ARL14EPL: variants seen among roughly 807,000 people sequenced by gnomAD.
ARL14EPL encodes ARF like GTPase 14 effector protein like, also known as ARL14 effector protein-like.
Under a neutral mutation model 15.9 loss-of-function variants are expected in ARL14EPL, and 17 were observed. The ratio of observed to expected loss-of-function variants is 1.07; its 90% CI spans 0.73 to 1.60. The LOEUF is 1.60. ARL14EPL is among the 40% of genes most tolerant of loss of function. The pLI is 0.00. For missense variants in ARL14EPL, 214 were observed against 185.9 expected (o/e 1.15, Z -0.88); for synonymous variants, 78 against 63.8 (o/e 1.22, Z -1.06).
chr5:116,044,610 C>G (rs1365269358), intron 1 of ARL14EPL, among the ~76,000 whole-genome samples: 1 of 151,956 alleles, frequency 6.6e-6, no homozygotes, highest in Non-Finnish European at 1.5e-5. Context: ...TTGAAGTTGA[C>G]ATATAACAAT....
intron 1 of ARL14EPL, among the ~76,000 whole-genome samples, chr5:116,033,024 C>A (rs1748987123): frequency 1.3e-5 from 2 of 152,100 alleles, no homozygotes; most frequent in South Asian, 4.1e-4. Flanking sequence ...GTCTTGAGCT[C>A]CTGGGCTCAA....
At chr5:116,056,559 A>T (rs932335568) in intron 3 of ARL14EPL, among the ~76,000 whole-genome samples, 1 of 152,092 alleles carries the variant, frequency 6.6e-6, no homozygotes, top group African/African-American at 2.4e-5. Flanking sequence ...CCTTTGTCAG[A>T]TGAGTAGATT....
chr5:116,049,591 T>A (rs1450067704), intron 1 of ARL14EPL, among the ~76,000 whole-genome samples: 1 of 152,214 alleles, frequency 6.6e-6, no homozygotes, highest in Admixed American at 6.5e-5. Flanking sequence ...ACTCATTAGC[T>A]TGGTAAAGAG....
chr5:116,047,779 G>GCAAAC (rs1353571289), intron 1 of ARL14EPL, among the ~76,000 whole-genome samples: 20,863 of 151,730 alleles, frequency 0.14, 1,516 homozygotes, highest in Middle Eastern at 0.16. Context: ...CACAGATAGG[G>GCAAAC]TGGAGGAAAA....
chr5:116,053,370 A>C (rs1206449901), intron 2 of ARL14EPL, among the ~76,000 whole-genome samples: 11 of 147,092 alleles, frequency 7.5e-5, no homozygotes, highest in Admixed American at 4.8e-4. Flanking sequence ...AAAGAAAAGA[A>C]AGGAAAAAAA....
At position 116,032,521 on chromosome 5, in the gene ARL14EPL, T is replaced by A. The variant is rs568022582; in HGVS notation, c.-10+16T>A. On this transcript the variant is annotated intron_variant, in intron 1 of 3. Transcript: ENST00000686077. ...CATAAGAAGCGTGAGTACAGTACAA[T>A]AAGATATTTTGAAAGAGAAAGATAC... The A allele has an allele frequency of 6.6e-6, 1 of 152,292 alleles. No individual in the cohort carries two copies. Among genetic ancestry groups the A allele is most frequent in the African/African-American group, 2.4e-5 (1 of 41,568 alleles). 9.4% of individuals were successfully genotyped at this position (152,292 alleles called of 1,614,324 possible).
chr5:116,034,215 A>G (rs10455009), intron 1 of ARL14EPL, among the ~76,000 whole-genome samples: 3,136 of 152,312 alleles, frequency 0.021, 55 homozygotes, highest in Non-Finnish European at 0.034. Context: ...CTTGAGATCA[A>G]CAAAGGCGGT....
intron 1 of ARL14EPL, among the ~76,000 whole-genome samples, chr5:116,041,376 G>A (rs182881610): frequency 1.3e-5 from 2 of 152,254 alleles, no homozygotes; most frequent in African/African-American, 4.8e-5. Context: ...GTTCTACAAG[G>A]AAGTTTTGGG....
At position 116,040,760 on chromosome 5, in the gene ARL14EPL, T is replaced by C. The variant is rs534772693; in HGVS notation, c.-10+8255T>C. Among the ~76,000 whole-genome samples the C allele has an allele frequency of 1.1e-4, 17 of 148,612 alleles. 1 individual carries two copies. The South Asian group carries it at 3.4e-3, about 30-fold the overall frequency. ...AGGCCAAGGTGGGCGGATCACGAGG[T>C]CATATCGAGACCATCCTGGCTAACA... On this transcript the variant is annotated intron_variant, in intron 1 of 3. Transcript: ENST00000686077.
chr5:116,056,245 G>C (rs200694935), intron 3 of ARL14EPL, among the ~76,000 whole-genome samples: 97,667 of 150,954 alleles, frequency 0.65, 33,674 homozygotes, highest in Non-Finnish European at 0.79. Flanking sequence ...AAGGGTTGAA[G>C]TAGTTTACTG....
At chr5:116,041,518 T>C (rs1303800063) in intron 1 of ARL14EPL, among the ~76,000 whole-genome samples, 1 of 152,178 alleles carries the variant, frequency 6.6e-6, no homozygotes, top group African/African-American at 2.4e-5. Flanking sequence ...CTTACTCTCC[T>C]CTCTGTTGAC....
chr5:116,053,954 A>T, intron 2 of ARL14EPL, 60 bp from the exon 3 acceptor site: 1 of 1,401,326 alleles, frequency 7.1e-7, no homozygotes, highest in Non-Finnish European at 9.4e-7. Context: ...CATTTTGGGG[A>T]AATGTAAAAC....
chr5:116,047,469 A>G (rs560520043), intron 1 of ARL14EPL, among the ~76,000 whole-genome samples: 1 of 152,358 alleles, frequency 6.6e-6, no homozygotes, highest in South Asian at 2.1e-4. Context: ...TGTGACTCAA[A>G]TGACTCTTTC....
intron 2 of ARL14EPL, chr5:116,052,313 C>T: frequency 9.1e-7 from 1 of 1,096,642 alleles, no homozygotes; most frequent in Non-Finnish European, 1.4e-6. Context: ...GCAGCAGACA[C>T]CGCAGCCTTG....
At chr5:116,037,405 C>T (rs1182508131) in intron 1 of ARL14EPL, among the ~76,000 whole-genome samples, 2 of 152,182 alleles carry the variant, frequency 1.3e-5, no homozygotes, top group Non-Finnish European at 2.9e-5. Context: ...TCCTGCATAT[C>T]ACAGAGGCCC....
chr5:116,050,497 C>A lies in ARL14EPL; in HGVS notation c.-9-960C>A, dbSNP rs560891298. The stretch of plus-strand genomic sequence containing the variant: ...CTATTGGTGAGAATGTAAATTAGTC[C>A]AGCCACTGTCGAGAGCAGTTTGGAG... On this transcript the variant is annotated intron_variant, in intron 1 of 3. Coordinates refer to ENST00000686077, the MANE Select transcript of ARL14EPL (RefSeq NM_001195581.2). Among the ~76,000 whole-genome samples the A allele has an allele frequency of 2.0e-5, 3 of 152,250 alleles. No individual in the cohort carries two copies. The East Asian group carries it at 5.8e-4, about 29-fold the overall frequency.
chr5:116,034,206 T>G (rs1321330083), intron 1 of ARL14EPL, among the ~76,000 whole-genome samples: 1 of 151,718 alleles, frequency 6.6e-6, no homozygotes, highest in Non-Finnish European at 1.5e-5. Context: ...CATGTCTTAC[T>G]TGAGATCAAC....
At chr5:116,054,375 G>T (rs1486822783) in intron 3 of ARL14EPL, among the ~76,000 whole-genome samples, 1 of 152,144 alleles carries the variant, frequency 6.6e-6, no homozygotes, top group Non-Finnish European at 1.5e-5. Context: ...GGCTTCAATA[G>T]CCGTGTAATA....
In ARL14EPL at chr5:116,042,593, C is replaced by T. The variant is rs115371800; in HGVS notation, c.-9-8864C>T. Among the ~76,000 whole-genome samples, 226 of 152,318 alleles carry T rather than the reference C, an allele frequency of 1.5e-3. 2 individuals carry two copies. Among genetic ancestry groups the T allele is most frequent in the African/African-American group, 5.2e-3 (216 of 41,570 alleles). ...AGTAGTAGTACCCAGACAATAAGGGCTATTCTTCTTGGAGCCTTTCAATTG... is the reference window on the plus strand; with the variant it reads ...AGTAGTAGTACCCAGACAATAAGGGTTATTCTTCTTGGAGCCTTTCAATTG... On this transcript the variant is annotated intron_variant, in intron 1 of 3. Transcript: ENST00000686077.
Sources: allele counts gnomAD v4.1 joint callset (sites outside exome capture counted in the v4.1 genomes callset), GRCh38; gene constraint gnomAD v4.1.1; transcripts MANE v1.5; gene names NCBI Gene and HGNC (gene_info 2026-07-23, HGNC 2026-07-21).